SCAF4: variants seen among roughly 807,000 people sequenced by gnomAD.
SCAF4 encodes SR-related CTD associated factor 4, also known as SR-related and CTD-associated factor 4.
Under a neutral mutation model 129.8 loss-of-function variants are expected in SCAF4, and 25 were observed. The observed-to-expected ratio is 0.19, with a 90% CI of 0.14 to 0.27. The LOEUF is 0.27. Ranked by LOEUF, SCAF4 falls within the 10% of genes least tolerant of loss-of-function variation. The pLI, the probability that SCAF4 is intolerant of heterozygous loss-of-function variation, is 1.00. For synonymous variants in SCAF4, 551 were observed against 497.7 expected (o/e 1.11, Z -1.43); for missense variants, 1,246 against 1,457.1 (o/e 0.86, Z 2.36).
intron 1 of SCAF4, among the ~76,000 whole-genome samples, chr21:31,722,011 C>T (rs906868324): frequency 2.0e-5 from 3 of 152,130 alleles, no homozygotes; most frequent in African/African-American, 4.8e-5. Flanking sequence ...TGAGCCACCA[C>T]GCCTGGCCTG....
At chr21:31,709,574 A>G (rs1407585895) in intron 1 of SCAF4, among the ~76,000 whole-genome samples, 1 of 152,124 alleles carries the variant, frequency 6.6e-6, no homozygotes, top group African/African-American at 2.4e-5. Flanking sequence ...TTAAGGAAAC[A>G]CTCTATAGTC....
intron 1 of SCAF4, chr21:31,706,652 C>T (rs2050670971): frequency 2.8e-6 from 1 of 352,930 alleles, no homozygotes; most frequent in South Asian, 4.9e-5. Context: ...GCTAAACCTG[C>T]TCCTGCAAAA....
At chr21:31,705,522 A>G (rs150597833) in intron 2 of SCAF4, 55 bp from the exon 3 acceptor site, 2 of 777,456 alleles carry the variant, frequency 2.6e-6, no homozygotes, top group African/African-American at 1.8e-5. Context: ...TACATTTCCT[A>G]TAATTAGAAA....
intron 1 of SCAF4, among the ~76,000 whole-genome samples, chr21:31,725,336 A>ACC (rs2051176096): frequency 6.6e-6 from 1 of 152,184 alleles, no homozygotes; most frequent in Non-Finnish European, 1.5e-5. Flanking sequence ...CATCCCTAGT[A>ACC]ATCAACAATA....
Position 31,693,380 on chromosome 21 carries a change from G to T in SCAF4, c.1427C>A (p.Ser476Tyr), listed in dbSNP as rs764979793. Reference sequence around the variant, plus strand: ...TCGATCCCGTCTTTCTTGAGATCGAGATCGGGGAGAATGTCGGCGTCTATC... The same window carrying T: ...TCGATCCCGTCTTTCTTGAGATCGATATCGGGGAGAATGTCGGCGTCTATC... ...SRDRRRHSPR[S>Y]RSQERRDREK... The change falls in exon 12 of 20, where the codon TCT becomes TAT. Residue 476 changes from serine (S) to tyrosine (Y), a missense_variant. Physicochemically the swap from Ser to Tyr is moderately radical, Grantham distance 144 (BLOSUM62 -2). Transcript: ENST00000286835. The T allele has an allele frequency of 1.9e-6, 3 of 1,582,994 alleles. No homozygotes were observed.
intron 1 of SCAF4, among the ~76,000 whole-genome samples, chr21:31,716,222 T>G (rs1413525888): frequency 6.6e-6 from 1 of 152,180 alleles, no homozygotes; most frequent in African/African-American, 2.4e-5. Context: ...AAAAATGTAT[T>G]TTCCTAAATT....
intron 1 of SCAF4, among the ~76,000 whole-genome samples, chr21:31,720,320 A>G (rs770874857): frequency 6.6e-6 from 1 of 152,220 alleles, no homozygotes; most frequent in Non-Finnish European, 1.5e-5. Context: ...AAGAATAGAC[A>G]TCTTTAGTTT....
chr21:31,720,219 A>G (rs2051037346), intron 1 of SCAF4, among the ~76,000 whole-genome samples: 1 of 152,270 alleles, frequency 6.6e-6, no homozygotes, highest in Admixed American at 6.5e-5. Context: ...ATTCCAGGAC[A>G]TAAAATCATT....
At chr21:31,725,277 ATACT>A (rs961392668) in intron 1 of SCAF4, among the ~76,000 whole-genome samples, 16 of 152,142 alleles carry the variant, frequency 1.1e-4, no homozygotes, top group African/African-American at 1.4e-4. Context: ...TAAAAAAAAA[ATACT>A]TAATAAGGCA....
At chr21:31,713,839 A>AC (rs1439746173) in intron 1 of SCAF4, among the ~76,000 whole-genome samples, 1 of 152,174 alleles carries the variant, frequency 6.6e-6, no homozygotes, top group East Asian at 1.9e-4. Flanking sequence ...TAAGTATTAT[A>AC]CACAGAGTAG....
rs140758351 is a variant in SCAF4, at chr21:31,712,731, T to C, written c.31-6374A>G. The C allele has an allele frequency of 2.9e-3, 491 of 168,786 alleles. 4 individuals are homozygous for C. The highest frequency in any genetic ancestry group is 0.011 in the African/African-American group (466 of 41,676). The allele number at this position is 168,786 out of a possible 1,614,324, so 10.5% of individuals were successfully genotyped here. Reference sequence around the variant, plus strand: ...TTTAGTAGAGACGGGGGTTTCACCATGTTGGTCAGGCTGGTCTCAAACTCC... The same window carrying C: ...TTTAGTAGAGACGGGGGTTTCACCACGTTGGTCAGGCTGGTCTCAAACTCC... On this transcript the variant is annotated intron_variant, in intron 1 of 19. Transcript: ENST00000286835.
chr21:31,706,566 G>T (rs1762785185), intron 1 of SCAF4: 2 of 539,208 alleles, frequency 3.7e-6, no homozygotes, highest in Non-Finnish European at 3.3e-6. Flanking sequence ...CAAGAAGAAG[G>T]TTAGCTCTGC....
At chr21:31,700,358 G>C (rs906604526) in intron 7 of SCAF4, among the ~76,000 whole-genome samples, 1 of 151,842 alleles carries the variant, frequency 6.6e-6, no homozygotes, top group African/African-American at 2.4e-5. Context: ...CTCCGTTCTC[G>C]ACCTCCCAAA....
At chr21:31,683,529 T>C (rs1228915916) in intron 19 of SCAF4, among the ~76,000 whole-genome samples, 2 of 152,182 alleles carry the variant, frequency 1.3e-5, no homozygotes, top group African/African-American at 4.8e-5. Context: ...ATCTTTTCAC[T>C]CATTCAATAA....
At chr21:31,728,622 G>A (rs527851269) in intron 1 of SCAF4, among the ~76,000 whole-genome samples, 1 of 152,120 alleles carries the variant, frequency 6.6e-6, no homozygotes, top group Non-Finnish European at 1.5e-5. Context: ...TCTATGCAGG[G>A]TTGTGGGAAT....
intron 16 of SCAF4, among the ~76,000 whole-genome samples, chr21:31,686,217 GAAAA>G (rs78764330): frequency 1.7e-4 from 15 of 88,900 alleles, no homozygotes; most frequent in Non-Finnish European, 2.2e-4. Flanking sequence ...AAAAAAAAAA[GAAAA>G]AAAAAAAAAA....
intron 1 of SCAF4, among the ~76,000 whole-genome samples, chr21:31,724,231 T>G (rs1346564691): frequency 6.6e-6 from 1 of 152,060 alleles, no homozygotes; most frequent in Non-Finnish European, 1.5e-5. Context: ...TAATTACACT[T>G]AATATTAACA....
At chr21:31,701,570 T>G (rs1309374783) in intron 6 of SCAF4, among the ~76,000 whole-genome samples, 1 of 152,242 alleles carries the variant, frequency 6.6e-6, no homozygotes, top group African/African-American at 2.4e-5. Context: ...AAAGAGGTAC[T>G]GTCATTTCTA....
At position 31,691,778 on chromosome 21, in the gene SCAF4, A is replaced by T. The variant is rs2050265881; in HGVS notation, c.1728+39T>A. The T allele has an allele frequency of 7.0e-6, 8 of 1,148,434 alleles. No individual in the cohort carries two copies. In the East Asian group the frequency reaches 2.1e-4, roughly 30 times the overall value. 71.1% of individuals were successfully genotyped at this position (1,148,434 alleles called of 1,614,324 possible). ...GCCACATATTTTTCCCCTTCTGCCT[A>T]TTTAAAAAAAAAATTAATTATAACA... On this transcript the variant is annotated intron_variant, in intron 14 of 19. Coordinates refer to ENST00000286835, the MANE Select transcript of SCAF4 (RefSeq NM_020706.2).
Sources: allele counts gnomAD v4.1 joint callset (sites outside exome capture counted in the v4.1 genomes callset), GRCh38; gene constraint gnomAD v4.1.1; transcripts MANE v1.5; gene names NCBI Gene and HGNC (gene_info 2026-07-23, HGNC 2026-07-21).